Variants in U2SURP observed in about 807,000 individuals in gnomAD.
U2SURP encodes U2 snRNP-associated SURP motif-containing protein.
U2SURP carries 9 observed loss-of-function variants against 144.9 expected under a neutral mutation model. The ratio of observed to expected loss-of-function variants is 0.06; its 90% confidence interval spans 0.04 to 0.11. U2SURP has a LOEUF of 0.11. U2SURP is among the 10% of genes least tolerant of loss of function. The pLI, the probability that U2SURP is intolerant of heterozygous loss-of-function variation, is 1.00. For missense variants in U2SURP, 724 were observed against 1,226.7 expected (o/e 0.59, Z 6.12); for synonymous variants, 408 against 396.8 (o/e 1.03, Z -0.33).
rs1429890376 is a variant in U2SURP, at chr3:143,057,608, A to G, written c.*1158A>G. On this transcript the variant is annotated 3_prime_UTR_variant, in exon 28 of 28. Coordinates refer to ENST00000473835, the MANE Select transcript of U2SURP (RefSeq NM_001080415.2). ...TAAAACTTGTGTAATGTTGGTCATA[A>G]TACTGCTATAAATATAATAAAGGGT... 8 of 151,986 alleles carry G rather than the reference A, an allele frequency of 5.3e-5. No individual in the cohort carries two copies. Among genetic ancestry groups the G allele is most frequent in the Admixed American group, 5.2e-4 (8 of 15,268 alleles). 9.4% of individuals were successfully genotyped at this position (151,986 alleles called of 1,614,324 possible).
At chr3:143,033,801 T>A (rs1933647254) in intron 18 of U2SURP, among the ~76,000 whole-genome samples, 1 of 152,178 alleles carries the variant, frequency 6.6e-6, no homozygotes, top group South Asian at 2.1e-4. Flanking sequence ...AATTTCTTAA[T>A]GGTTTGTAGA....
At chr3:143,035,553 C>T (rs1199891333) in intron 19 of U2SURP, among the ~76,000 whole-genome samples, 3 of 152,078 alleles carry the variant, frequency 2.0e-5, no homozygotes, top group Non-Finnish European at 4.4e-5. Flanking sequence ...AATTTAAAGA[C>T]AAGTTTCAGG....
At chr3:143,021,218 T>G in intron 8 of U2SURP, 132 bp from the exon 9 acceptor site, 1 of 985,442 alleles carries the variant, frequency 1.0e-6, no homozygotes, top group Non-Finnish European at 1.5e-6. Flanking sequence ...ACAACAGAGT[T>G]GTGTGAAGTG....
At position 143,037,280 on chromosome 3, in the gene U2SURP, T is replaced by A. The variant is rs201356861; in HGVS notation, c.2166T>A (p.Asp722Glu). 2.5e-6 allele frequency: 4 copies of A among 1,612,686 alleles called. No homozygotes were observed. The highest frequency in any genetic ancestry group is 3.4e-6 in the Non-Finnish European group (4 of 1,179,210). ...TTCCTATTGATGCTACTCCCATCGA[T>A]GATCTTGATGGAGTCCCTATAAAAA... ...DGIPIDATPI[D>E]DLDGVPIKSL... The change falls in exon 21 of 28, where the codon GAT (aspartate) becomes GAA (glutamate). Residue 722 changes from aspartate to glutamate, a missense_variant. Around this residue, in one of 13 missense-constraint regions of U2SURP, gnomAD observed 116 missense variants for 167.9 expected, o/e 0.69. Transcript: ENST00000473835.
chr3:143,014,192 C>A, intron 3 of U2SURP, 119 bp from the exon 4 acceptor site: 1 of 532,082 alleles, frequency 1.9e-6, no homozygotes, highest in Non-Finnish European at 3.2e-6. Context: ...CTTTTCTTTA[C>A]AATGAAATTT....
At chr3:143,051,250 A>G (rs1250039890) in intron 25 of U2SURP, among the ~76,000 whole-genome samples, 1 of 152,202 alleles carries the variant, frequency 6.6e-6, no homozygotes, top group Non-Finnish European at 1.5e-5. Context: ...GCAGCACACT[A>G]TTTTATTCTG....
intron 6 of U2SURP, 41 bp from the exon 7 acceptor site, chr3:143,019,928 T>C: frequency 8.4e-7 from 1 of 1,194,790 alleles, no homozygotes. Context: ...TGGTTTTGCT[T>C]ATCCTTTTGT....
chr3:143,017,186 C>T (rs1936414123), intron 6 of U2SURP: 7 of 409,436 alleles, frequency 1.7e-5, no homozygotes, highest in Admixed American at 9.0e-5. Flanking sequence ...GCTTTTTGAG[C>T]AGTGAACATT....
intron 24 of U2SURP, among the ~76,000 whole-genome samples, chr3:143,044,116 G>A (rs1934270898): frequency 6.6e-6 from 1 of 151,896 alleles, no homozygotes. Context: ...ATATTTTCTG[G>A]CATATTCTGT....
rs374871094 is a variant in U2SURP at position 143,022,953 on chromosome 3, G to A, written c.1119G>A (p.Thr373=). Residue 373 remains threonine, a synonymous_variant, in exon 12 of 28, where the codon ACG becomes ACA. Transcript: ENST00000473835. The part of the protein sequence containing the change: ...IYIPPSMMEH[T]LPPPPSGLPF... ...TTCCGCCTTCTATGATGGAACATAC[G>A]CTTCCCCCACCTCCATCCGGACTGC... 4.9e-5 allele frequency: 79 copies of A among 1,612,310 alleles called. No homozygotes were observed. In the African/African-American group the frequency reaches 9.6e-4, roughly 20 times the overall value.
intron 1 of U2SURP, among the ~76,000 whole-genome samples, chr3:143,002,889 G>T (rs1935611031): frequency 6.6e-6 from 1 of 151,876 alleles, no homozygotes; most frequent in Admixed American, 6.6e-5. Context: ...TATTGTGTCA[G>T]TTTTTTTTCC....
chr3:143,028,730 C>A (rs1933303320), intron 16 of U2SURP, 84 bp downstream of exon 16: 4 of 1,219,518 alleles, frequency 3.3e-6, no homozygotes, highest in East Asian at 2.6e-5. Flanking sequence ...AAGATGTTAA[C>A]CCTAAAATAA....
chr3:143,039,649 A>G (rs938651481), intron 23 of U2SURP, among the ~76,000 whole-genome samples: 3 of 150,624 alleles, frequency 2.0e-5, no homozygotes, highest in African/African-American at 4.9e-5. Context: ...GGTATCACAA[A>G]CACAAAGCAC....
At chr3:143,002,422 G>T (rs554091511) in intron 1 of U2SURP, 1 of 152,362 alleles carries the variant, frequency 6.6e-6, no homozygotes, top group African/African-American at 2.4e-5. Context: ...GGCACGTATT[G>T]TGAAACCAGT....
chr3:143,037,067 C>A, intron 20 of U2SURP, 112 bp from the exon 21 acceptor site: 1 of 984,210 alleles, frequency 1.0e-6, no homozygotes, highest in Non-Finnish European at 1.5e-6. Flanking sequence ...CATTGTACCT[C>A]AGATTGTGGG....
Position 143,056,613 on chromosome 3 carries a change from T to A in U2SURP, c.*163T>A. On this transcript the variant is annotated 3_prime_UTR_variant, in exon 28 of 28. Transcript: ENST00000473835. ...ACTCATGAGCAACTGCATCTGTAGA[T>A]CTGTCATTGTTTTATATTGTGTAAA... The A allele has an allele frequency of 2.8e-6, 2 of 721,454 alleles. No individual in the cohort carries two copies. The highest frequency in any genetic ancestry group is 4.4e-6 in the Non-Finnish European group (2 of 451,554). The allele number at this position is 721,454 out of a possible 1,614,324, so 44.7% of individuals were successfully genotyped here.
At chr3:143,051,602 CAAAAAAAAAA>C (rs3041537) in intron 25 of U2SURP, among the ~76,000 whole-genome samples, 6 of 90,638 alleles carry the variant, frequency 6.6e-5, no homozygotes, top group South Asian at 5.0e-4. Context: ...ACTGTCGTTG[CAAAAAAAAAA>C]AAAAAAAAAG....
Position 143,037,278 on chromosome 3 carries a change from G to C in U2SURP, c.2164G>C (p.Asp722His), listed in dbSNP as rs576560027. The change falls in exon 21 of 28, where the codon GAT becomes CAT. Residue 722 changes from aspartate (D) to histidine (H), a missense_variant. By Grantham distance (81) the Asp-to-His change is moderately conservative. Around this residue, in one of 13 missense-constraint regions of U2SURP, gnomAD observed 116 missense variants for 167.9 expected, o/e 0.69. Coordinates refer to ENST00000473835, the MANE Select transcript of U2SURP (RefSeq NM_001080415.2). ...AATTCCTATTGATGCTACTCCCATC[G>C]ATGATCTTGATGGAGTCCCTATAAA... Reference protein sequence around the residue: ...DGIPIDATPIDDLDGVPIKSL... With the variant: ...DGIPIDATPIHDLDGVPIKSL... 6.2e-7 allele frequency: 1 copy of C among 1,612,280 alleles called. No individual in the cohort carries two copies. The highest frequency in any genetic ancestry group is 1.1e-5 in the South Asian group (1 of 90,786).
chr3:143,004,289 A>G (rs539715828), intron 1 of U2SURP, among the ~76,000 whole-genome samples: 52 of 150,620 alleles, frequency 3.5e-4, no homozygotes, highest in African/African-American at 1.2e-3. Flanking sequence ...TGGCAAAATT[A>G]TTAACATTTC....
Sources: gnomAD v4.1 joint callset for allele counts (sites outside exome capture counted in the v4.1 genomes callset) on GRCh38, gnomAD v4.1.1 for gene constraint, gnomAD v4.1.1 regional missense constraint, MANE v1.5 for transcripts, NCBI Gene and HGNC (gene_info 2026-07-23, HGNC 2026-07-21) for gene names.